The following ROBO1 variants were observed in gnomAD, a reference collection of about 807,000 sequenced individuals.
ROBO1 encodes the protein roundabout guidance receptor 1, also known as roundabout homolog 1.
A neutral mutation model predicts 195.9 loss-of-function variants in ROBO1; 149 were observed. The observed-to-expected ratio is 0.76, with a 90% CI of 0.67 to 0.87. The LOEUF is 0.87. ROBO1 is among the 40% of genes least tolerant of loss of function. The probability of loss-of-function intolerance (pLI) is 0.00; values close to 1 mark genes in which losing one functional copy is unlikely to be tolerated. For synonymous variants in ROBO1, 816 were observed against 733.2 expected (o/e 1.11, Z -1.82); for missense variants, 1,933 against 2,068.3 (o/e 0.93, Z 1.27).
intron 2 of ROBO1, among the ~76,000 whole-genome samples, chr3:79,519,672 C>G (rs1350979327): frequency 2.1e-5 from 3 of 146,180 alleles, no homozygotes; most frequent in African/African-American, 7.5e-5. Flanking sequence ...GAAATGTATG[C>G]TAAGTATAAT....
chr3:79,025,503 G>A (rs2108287484), intron 3 of ROBO1, among the ~76,000 whole-genome samples: 1 of 152,192 alleles, frequency 6.6e-6, no homozygotes, highest in East Asian at 1.9e-4. Context: ...TAGGCACTCA[G>A]ATGTTTGCTG....
rs879062785 is a variant in ROBO1 at position 78,598,780 on chromosome 3, A to G, written c.*133T>C. On this transcript the variant is annotated 3_prime_UTR_variant, in exon 31 of 31. Transcript: ENST00000464233. Reference sequence around the variant, plus strand: ...ATAAAGTTTTTAAAATGATATCCCAATAAGAGGAATAAAAACGACAATTTG... The same window carrying G: ...ATAAAGTTTTTAAAATGATATCCCAGTAAGAGGAATAAAAACGACAATTTG... 1.8e-6 allele frequency: 1 copy of G among 546,062 alleles called. No individual in the cohort carries two copies. The allele number at this position is 546,062 out of a possible 1,614,324, so 33.8% of individuals were successfully genotyped here.
intron 4 of ROBO1, among the ~76,000 whole-genome samples, chr3:78,863,244 G>A (rs1224268401): frequency 1.3e-5 from 2 of 152,292 alleles, no homozygotes; most frequent in East Asian, 1.9e-4. Flanking sequence ...CACCTAGTGA[G>A]TGGTACAGGC....
intron 2 of ROBO1, among the ~76,000 whole-genome samples, chr3:79,502,185 G>A (rs911714880): frequency 6.6e-6 from 1 of 152,214 alleles, no homozygotes; most frequent in African/African-American, 2.4e-5. Context: ...GCCCGCCGCT[G>A]CACTGTGGGA....
intron 2 of ROBO1, among the ~76,000 whole-genome samples, chr3:79,493,908 GTTACCCTGCTGTAC>G (rs1324815817): frequency 6.6e-6 from 1 of 151,932 alleles, no homozygotes; most frequent in African/African-American, 2.4e-5. Flanking sequence ...ACTAACTATA[GTTACCCTGCTGTAC>G]TATCAAATAC....
chr3:79,407,739 AAGTAGGTATTGGTTAC>A (rs1439707216), intron 2 of ROBO1, among the ~76,000 whole-genome samples: 1 of 152,142 alleles, frequency 6.6e-6, no homozygotes, highest in Non-Finnish European at 1.5e-5. Context: ...GTAATGAAGT[AAGTAGGTATTGGTTAC>A]AATCTCTGAT....
At chr3:79,192,361 A>G (rs2081555726) in intron 2 of ROBO1, among the ~76,000 whole-genome samples, 1 of 151,720 alleles carries the variant, frequency 6.6e-6, no homozygotes. Flanking sequence ...CTGATACTAC[A>G]TTCTACAGTA....
chr3:79,006,148 C>T (rs1253930135), intron 3 of ROBO1, among the ~76,000 whole-genome samples: 7 of 152,062 alleles, frequency 4.6e-5, no homozygotes, highest in African/African-American at 9.7e-5. Flanking sequence ...CATCAAAGGG[C>T]TCGTGGTTTT....
chr3:79,674,794 T>C (rs936455040), intron 1 of ROBO1, among the ~76,000 whole-genome samples: 2 of 151,472 alleles, frequency 1.3e-5, no homozygotes, highest in African/African-American at 2.4e-5. Context: ...TTACCTAACT[T>C]TGTATCTGGT....
At chr3:78,991,530 A>G (rs1036864255) in intron 3 of ROBO1, among the ~76,000 whole-genome samples, 9 of 152,174 alleles carry the variant, frequency 5.9e-5, no homozygotes, top group Admixed American at 5.2e-4. Context: ...AAAATAGCTG[A>G]CCCTTTCCCA....
At chr3:78,659,605 C>A in intron 17 of ROBO1, 81 bp downstream of exon 17, 1 of 1,134,282 alleles carries the variant, frequency 8.8e-7, no homozygotes, top group Non-Finnish European at 1.1e-6. Context: ...TATCCATAAA[C>A]AAATACCAGC....
chr3:79,156,563 T>C (rs1026911285), intron 2 of ROBO1, among the ~76,000 whole-genome samples: 1 of 151,830 alleles, frequency 6.6e-6, no homozygotes, highest in Non-Finnish European at 1.5e-5. Context: ...CTGGCAGCAA[T>C]TCAGTTTGGT....
At chr3:79,597,384 C>T (rs1331215704) in intron 1 of ROBO1, among the ~76,000 whole-genome samples, 2 of 151,972 alleles carry the variant, frequency 1.3e-5, no homozygotes, top group Non-Finnish European at 2.9e-5. Context: ...AAACTCTTTT[C>T]AACTTTGAGT....
intron 10 of ROBO1, among the ~76,000 whole-genome samples, chr3:78,676,334 T>C (rs1708423726): frequency 6.6e-6 from 1 of 152,158 alleles, no homozygotes; most frequent in Non-Finnish European, 1.5e-5. Context: ...GAGAATGACT[T>C]TGACGAGTTG....
chr3:78,860,139 GTAGATAGATAGATAGA>G (rs766675007), intron 4 of ROBO1, among the ~76,000 whole-genome samples: 38 of 141,992 alleles, frequency 2.7e-4, no homozygotes, highest in Non-Finnish European at 3.6e-4. Flanking sequence ...AGGTAGATAG[GTAGATAGATAGATAGA>G]TAGATAGATA....
At chr3:79,196,379 AAGAG>A (rs1485823679) in intron 2 of ROBO1, among the ~76,000 whole-genome samples, 1 of 150,040 alleles carries the variant, frequency 6.7e-6, no homozygotes, top group Non-Finnish European at 1.5e-5. Context: ...CACACGCACC[AAGAG>A]AGAGAGGGAG....
At chr3:79,250,564 G>C (rs189700160) in intron 2 of ROBO1, among the ~76,000 whole-genome samples, 1 of 133,122 alleles carries the variant, frequency 7.5e-6, no homozygotes, top group Non-Finnish European at 1.7e-5. Context: ...TAATGTGTGT[G>C]GGGGGGGTTC....
chr3:78,696,510 T>G (rs2081293125), intron 8 of ROBO1, among the ~76,000 whole-genome samples: 1 of 152,064 alleles, frequency 6.6e-6, no homozygotes, highest in South Asian at 2.1e-4. Context: ...CAAATTTTCC[T>G]GCTGGCTAAT....
chr3:78,999,363 T>C (rs542762671), intron 3 of ROBO1, among the ~76,000 whole-genome samples: 26 of 152,164 alleles, frequency 1.7e-4, no homozygotes, highest in African/African-American at 6.0e-4. Context: ...TATGCAGCCA[T>C]AAAGAAGCAT....
Sources: allele counts gnomAD v4.1 joint callset (sites outside exome capture counted in the v4.1 genomes callset), GRCh38; gene constraint gnomAD v4.1.1; transcripts MANE v1.5; gene names NCBI Gene and HGNC (gene_info 2026-07-23, HGNC 2026-07-21).